The following SATB2 variants were observed in gnomAD, a reference collection of about 807,000 sequenced individuals.
SATB2 encodes SATB homeobox 2.
A neutral mutation model predicts 73.4 loss-of-function variants in SATB2; 1 was observed. The observed-to-expected ratio is 0.01, with a 90% CI of 0.00 to 0.06. SATB2 has a LOEUF of 0.06. Among genes scored for constraint, SATB2 ranks in the 10% least tolerant of loss-of-function variants. The probability of loss-of-function intolerance (pLI) is 1.00; values close to 1 mark genes in which losing one functional copy is unlikely to be tolerated. For synonymous variants in SATB2, 397 were observed against 367.0 expected, an observed-to-expected ratio of 1.08 and a Z score of -0.93; for missense variants, 459 against 945.8, an observed-to-expected ratio of 0.49 and a Z score of 6.75.
chr2:199,285,756 T>G (rs1294440864), intron 10 of SATB2, among the ~76,000 whole-genome samples: 1 of 139,018 alleles, frequency 7.2e-6, no homozygotes, highest in East Asian at 2.1e-4. Context: ...AGAAAGAGAA[T>G]AAGAAAAAAA....
chr2:199,398,175 AC>A (rs200009825), intron 3 of SATB2, among the ~76,000 whole-genome samples: 3,127 of 152,224 alleles, frequency 0.021, 104 homozygotes, highest in African/African-American at 0.07. Context: ...TGTTTTCCAG[AC>A]TAGAGAATCT....
chr2:199,451,304 T>C (rs1692116420), intron 2 of SATB2, among the ~76,000 whole-genome samples: 1 of 152,038 alleles, frequency 6.6e-6, no homozygotes, highest in South Asian at 2.1e-4. Context: ...TAACCAAGTA[T>C]ATCTTTATTT....
intron 6 of SATB2, among the ~76,000 whole-genome samples, chr2:199,354,447 T>C (rs919727252): frequency 3.9e-5 from 6 of 152,308 alleles, no homozygotes; most frequent in Non-Finnish European, 8.8e-5. Flanking sequence ...GATTCTACTG[T>C]GGCTGAAGCC....
chr2:199,425,598 G>A (rs1283861647), intron 3 of SATB2, among the ~76,000 whole-genome samples: 1 of 152,038 alleles, frequency 6.6e-6, no homozygotes, highest in Admixed American at 6.6e-5. Context: ...CAACTGCTAG[G>A]TATCCCGAAA....
intron 2 of SATB2, among the ~76,000 whole-genome samples, chr2:199,449,992 T>C (rs1692076952): frequency 6.6e-6 from 1 of 152,192 alleles, no homozygotes; most frequent in African/African-American, 2.4e-5. Flanking sequence ...CTCGAAACCA[T>C]TTTAGGTTAT....
intron 2 of SATB2, among the ~76,000 whole-genome samples, chr2:199,448,858 T>C (rs1325331114): frequency 6.6e-6 from 1 of 152,114 alleles, no homozygotes; most frequent in Non-Finnish European, 1.5e-5. Context: ...AGAACTCCAT[T>C]CCAATGATAC....
chr2:199,429,404 T>C (rs1691433410), intron 3 of SATB2, among the ~76,000 whole-genome samples: 1 of 152,234 alleles, frequency 6.6e-6, no homozygotes, highest in South Asian at 2.1e-4. Flanking sequence ...GAGAATGTAC[T>C]TGGCACCCTG....
chr2:199,298,806 C>T (rs1687196592), intron 10 of SATB2, among the ~76,000 whole-genome samples: 1 of 152,214 alleles, frequency 6.6e-6, no homozygotes, highest in Non-Finnish European at 1.5e-5. Flanking sequence ...AAGCCCTTTT[C>T]TGCAGATGTT....
chr2:199,281,482 T>TAC (rs10685113), intron 10 of SATB2, among the ~76,000 whole-genome samples: 3 of 150,544 alleles, frequency 2.0e-5, no homozygotes, highest in Non-Finnish European at 3.0e-5. Flanking sequence ...ATGAGATATA[T>TAC]ACACACACAC....
chr2:199,400,150 C>A (rs1202776889), intron 3 of SATB2, among the ~76,000 whole-genome samples: 2 of 152,126 alleles, frequency 1.3e-5, no homozygotes, highest in Non-Finnish European at 2.9e-5. Context: ...GAGAATTAAT[C>A]GCACCACACT....
In SATB2 at chr2:199,418,891, T is replaced by G. The variant is rs574643536; in HGVS notation, c.346+14447A>C. ...AAGATCTGGTCTCCACTCCCATTCC[T>G]GCCCACTCATTACAAATCAAATGTC... On this transcript the variant is annotated intron_variant, in intron 3 of 10. Transcript: ENST00000417098. Among the ~76,000 whole-genome samples, 9 of 152,268 alleles carry G rather than the reference T, an allele frequency of 5.9e-5. No homozygotes were observed. The East Asian group carries it at 1.7e-3, about 29-fold the overall frequency.
intron 3 of SATB2, among the ~76,000 whole-genome samples, chr2:199,389,761 T>C (rs1389462511): frequency 6.6e-6 from 1 of 152,162 alleles, no homozygotes; most frequent in Non-Finnish European, 1.5e-5. Flanking sequence ...TCAGAGGAAA[T>C]TATCAAGAAG....
chr2:199,317,942 AC>A (rs1687779805), intron 9 of SATB2, among the ~76,000 whole-genome samples: 1 of 152,120 alleles, frequency 6.6e-6, no homozygotes, highest in African/African-American at 2.4e-5. Flanking sequence ...CATATATTAA[AC>A]TTTTTTGAAT....
intron 9 of SATB2, among the ~76,000 whole-genome samples, chr2:199,322,127 G>A (rs1008104422): frequency 1.3e-5 from 2 of 152,190 alleles, no homozygotes; most frequent in African/African-American, 2.4e-5. Context: ...AAATCAACAG[G>A]AAGATTACAG....
intron 7 of SATB2, among the ~76,000 whole-genome samples, chr2:199,342,464 AT>A (rs536208664): frequency 8.1e-4 from 123 of 151,658 alleles, no homozygotes; most frequent in African/African-American, 2.7e-3. Flanking sequence ...CTCAGAATGT[AT>A]TTTACTTATT....
chr2:199,395,893 G>T (rs1449855601), intron 3 of SATB2: 1 of 152,062 alleles, frequency 6.6e-6, no homozygotes, highest in African/African-American at 2.4e-5. Context: ...GCAAACCCAC[G>T]TAAAAGACTT....
chr2:199,410,502 A>G (rs1182135375), intron 3 of SATB2, among the ~76,000 whole-genome samples: 4 of 152,246 alleles, frequency 2.6e-5, no homozygotes, highest in Non-Finnish European at 5.9e-5. Flanking sequence ...TCAGAACTCC[A>G]TATTTTCCAG....
At chr2:199,319,880 T>G (rs1043194704) in intron 9 of SATB2, among the ~76,000 whole-genome samples, 1 of 151,348 alleles carries the variant, frequency 6.6e-6, no homozygotes, top group Non-Finnish European at 1.5e-5. Context: ...GTCTGGGAAA[T>G]GGGGTAATTG....
chr2:199,361,491 G>A (rs572043259), intron 6 of SATB2, among the ~76,000 whole-genome samples: 1 of 151,698 alleles, frequency 6.6e-6, no homozygotes, highest in Non-Finnish European at 1.5e-5. Flanking sequence ...CTTCCACCAG[G>A]TGTACACACC....
Sources: allele counts gnomAD v4.1 joint callset (sites outside exome capture counted in the v4.1 genomes callset), GRCh38; gene constraint gnomAD v4.1.1; transcripts MANE v1.5; gene names NCBI Gene and HGNC (gene_info 2026-07-23, HGNC 2026-07-21).